The following AFF1 variants were observed in gnomAD, a reference collection of about 807,000 sequenced individuals.
AFF1 encodes the protein AF4/FMR2 family member 1.
AFF1 carries 48 observed loss-of-function variants against 121.7 expected under a neutral mutation model. The observed-to-expected ratio is 0.39, with a 90% CI of 0.31 to 0.50. The LOEUF (loss-of-function observed/expected upper bound fraction) is 0.50, where lower values mean the gene tolerates loss of function less well. Ranked by LOEUF, AFF1 falls within the 20% of genes least tolerant of loss-of-function variation. AFF1 has a pLI of 0.76. For missense variants in AFF1, 1,523 were observed against 1,511.7 expected, an observed-to-expected ratio of 1.01 and a Z score of -0.12; for synonymous variants, 613 against 563.0, an observed-to-expected ratio of 1.09 and a Z score of -1.26.
intron 4 of AFF1, 114 bp downstream of exon 4, chr4:87,047,708 G>T: frequency 7.1e-7 from 1 of 1,400,634 alleles, no homozygotes; most frequent in Non-Finnish European, 1.0e-6. Flanking sequence ...TTGGGTAGGG[G>T]GAATTCTTTT....
At chr4:87,085,550 CT>C (rs1646905041) in intron 5 of AFF1, among the ~76,000 whole-genome samples, 1 of 151,252 alleles carries the variant, frequency 6.6e-6, no homozygotes, top group Non-Finnish European at 1.5e-5. Context: ...AGTTTTTTAA[CT>C]TTTCATTTTA....
At chr4:86,947,343 C>A (rs1022193233) in intron 1 of AFF1, among the ~76,000 whole-genome samples, 13 of 152,144 alleles carry the variant, frequency 8.5e-5, no homozygotes, top group African/African-American at 3.1e-4. Flanking sequence ...ATGTAGTTAG[C>A]AAGTCAGCAA....
chr4:86,988,651 A>C (rs1412509499), intron 2 of AFF1, among the ~76,000 whole-genome samples: 2 of 152,186 alleles, frequency 1.3e-5, no homozygotes, highest in Non-Finnish European at 2.9e-5. Flanking sequence ...TGTCCCCATC[A>C]AGCTACCATC....
intron 2 of AFF1, among the ~76,000 whole-genome samples, chr4:86,966,126 TGA>T (rs2149473855): frequency 6.6e-6 from 1 of 151,522 alleles, no homozygotes; most frequent in East Asian, 1.9e-4. Context: ...AGTGAGATAG[TGA>T]CTTGATAATC....
intron 2 of AFF1, among the ~76,000 whole-genome samples, chr4:86,978,177 CTT>C (rs10676975): frequency 1.8e-3 from 69 of 39,318 alleles, no homozygotes; most frequent in African/African-American, 3.6e-3. Flanking sequence ...ATTACATTCA[CTT>C]TTTTTTTTTT....
intron 2 of AFF1, among the ~76,000 whole-genome samples, chr4:86,983,731 A>AC (rs1553912632): frequency 1.2e-4 from 18 of 144,658 alleles, no homozygotes; most frequent in African/African-American, 4.4e-4. Flanking sequence ...AAAAAAAAAA[A>AC]CAAAAAACAA....
rs1578279121 is a variant in AFF1, at chr4:87,114,566, C to G, written c.1733C>G (p.Pro578Arg). 6.2e-7 allele frequency: 1 copy of G among 1,605,674 alleles called. No individual in the cohort carries two copies. The highest frequency in any genetic ancestry group is 2.2e-5 in the East Asian group (1 of 44,578). ...DPPPKSSSKA[P>R]RAPPEAPHPG... ...CCCCCTAAAAGCTCCAGCAAAGCCC[C>G]CCGGGCCCCACCCGAAGCCCCCCAC... The change falls in exon 12 of 21, where the codon CCC (proline) becomes CGC (arginine). Residue 578 changes from proline (P) to arginine (R), a missense_variant. By Grantham distance (103) the Pro-to-Arg change is moderately radical. Transcript: ENST00000395146.
chr4:86,980,025 C>G (rs1723607952), intron 2 of AFF1, among the ~76,000 whole-genome samples: 1 of 152,140 alleles, frequency 6.6e-6, no homozygotes. Context: ...ATTCTCCTGC[C>G]TCAGCCTGCC....
chr4:87,053,020 A>C (rs1418775476), intron 4 of AFF1, among the ~76,000 whole-genome samples: 1 of 152,164 alleles, frequency 6.6e-6, no homozygotes, highest in Non-Finnish European at 1.5e-5. Flanking sequence ...AGATGCTGTA[A>C]TGTATCCAGG....
intron 2 of AFF1, among the ~76,000 whole-genome samples, chr4:86,975,772 C>T (rs1446866072): frequency 7.2e-5 from 11 of 152,022 alleles, no homozygotes; most frequent in Non-Finnish European, 1.5e-5. Context: ...TCTTTTGCCC[C>T]CATAAGGTGT....
Position 87,126,732 on chromosome 4 carries a change from A to G in AFF1, c.2812-294A>G, listed in dbSNP as rs113396186. On this transcript the variant is annotated intron_variant, in intron 14 of 20. Transcript: ENST00000395146. ...AATAAAAGTTCTTCTCTTCCTGTTA[A>G]TCTGGGTGGAGTGGAGTGGTGTGTT... Among the ~76,000 whole-genome samples the G allele has an allele frequency of 2.7e-3, 416 of 152,238 alleles. 4 individuals carry two copies. The highest frequency in any genetic ancestry group is 9.3e-3 in the African/African-American group (386 of 41,554).
At chr4:86,992,429 T>C (rs1724800665) in intron 2 of AFF1, among the ~76,000 whole-genome samples, 2 of 152,204 alleles carry the variant, frequency 1.3e-5, no homozygotes, top group South Asian at 4.1e-4. Context: ...GACTGTGGTA[T>C]CTAAGATTGT....
chr4:87,006,100 ATGTT>A (rs930552662), intron 2 of AFF1, among the ~76,000 whole-genome samples: 3 of 152,206 alleles, frequency 2.0e-5, no homozygotes, highest in African/African-American at 7.2e-5. Flanking sequence ...AGGCATTAAC[ATGTT>A]TGTATTTCAC....
At chr4:87,132,694 G>C (rs1578325470) in intron 19 of AFF1, among the ~76,000 whole-genome samples, 1 of 151,914 alleles carries the variant, frequency 6.6e-6, no homozygotes, top group African/African-American at 2.4e-5. Flanking sequence ...TTGTTTCTTT[G>C]TTTGTTTGTT....
chr4:87,000,114 G>T (rs1366984310), intron 2 of AFF1, among the ~76,000 whole-genome samples: 2 of 152,218 alleles, frequency 1.3e-5, no homozygotes, highest in African/African-American at 4.8e-5. Context: ...AAATACCTGT[G>T]AGAGCATGCT....
At chr4:87,105,042 T>C (rs1725773052) in intron 8 of AFF1, among the ~76,000 whole-genome samples, 1 of 152,228 alleles carries the variant, frequency 6.6e-6, no homozygotes, top group East Asian at 1.9e-4. Flanking sequence ...GTAAAGTAAC[T>C]GCACTGTTGG....
chr4:87,047,284 C>G lies in AFF1; in HGVS notation c.749C>G (p.Ala250Gly), dbSNP rs1425860608. Reference protein sequence around the residue: ...SSNNSKGYCPAKSPKDLAVKV... With the variant: ...SSNNSKGYCPGKSPKDLAVKV... ...AATAACAGTAAAGGCTATTGCCCAGCCAAATCTCCCAAGGACCTAGCAGTG... is the reference window on the plus strand; with the variant it reads ...AATAACAGTAAAGGCTATTGCCCAGGCAAATCTCCCAAGGACCTAGCAGTG... Residue 250 changes from alanine to glycine, a missense_variant, in exon 4 of 21, where the codon GCC (alanine) becomes GGC (glycine). Physicochemically the swap from Ala to Gly is moderately conservative, Grantham distance 60. Coordinates refer to ENST00000395146, the MANE Select transcript of AFF1 (RefSeq NM_001166693.3). 8.7e-6 allele frequency: 14 copies of G among 1,614,034 alleles called. No homozygotes were observed. Among genetic ancestry groups the G allele is most frequent in the Non-Finnish European group, 8.5e-7 (1 of 1,180,038 alleles).
At chr4:87,078,454 G>T (rs1012558246) in intron 4 of AFF1, among the ~76,000 whole-genome samples, 1 of 152,136 alleles carries the variant, frequency 6.6e-6, no homozygotes, top group African/African-American at 2.4e-5. Flanking sequence ...AACTTCCATG[G>T]AACATATTAT....
Position 86,943,105 on chromosome 4 carries a change from A to G in AFF1, c.-36-5393A>G, listed in dbSNP as rs2705615. On this transcript the variant is annotated intron_variant, in intron 1 of 20. Coordinates refer to ENST00000395146, the MANE Select transcript of AFF1 (RefSeq NM_001166693.3). ...TGTCATTGGAGCTGAGCACCTAATG[A>G]TCAGAGGGAGCCAACAATATGTGGG... Among the ~76,000 whole-genome samples, 965 of 152,316 alleles carry G rather than the reference A, an allele frequency of 6.3e-3. 6 individuals carry two copies. Among genetic ancestry groups the G allele is most frequent in the Non-Finnish European group, 0.011 (731 of 68,026 alleles).
Sources: allele counts gnomAD v4.1 joint callset (sites outside exome capture counted in the v4.1 genomes callset), GRCh38; gene constraint gnomAD v4.1.1; transcripts MANE v1.5; gene names NCBI Gene and HGNC (gene_info 2026-07-23, HGNC 2026-07-21).